Variants in CCSER1 observed in about 807,000 individuals in gnomAD.
CCSER1 encodes the protein serine-rich coiled-coil domain-containing protein 1.
Under a neutral mutation model 82.0 loss-of-function variants are expected in CCSER1, and 41 were observed. The observed-to-expected ratio is 0.50, with a 90% CI of 0.39 to 0.65. The LOEUF (loss-of-function observed/expected upper bound fraction) is 0.65, where lower values mean the gene tolerates loss of function less well. Ranked by LOEUF, CCSER1 falls within the 30% of genes least tolerant of loss-of-function variation. The probability of loss-of-function intolerance (pLI) is 0.00; values close to 1 mark genes in which losing one functional copy is unlikely to be tolerated. For missense variants in CCSER1, 1,119 were observed against 1,064.2 expected (o/e 1.05, Z -0.72); for synonymous variants, 414 against 383.9 (o/e 1.08, Z -0.92).
intron 1 of CCSER1, among the ~76,000 whole-genome samples, chr4:90,299,126 G>A (rs1732592674): frequency 6.6e-6 from 1 of 151,812 alleles, no homozygotes; most frequent in Non-Finnish European, 1.5e-5. Context: ...TAATCCAAAC[G>A]ACTCATCTGC....
chr4:91,390,166 T>G (rs76769259), intron 10 of CCSER1, among the ~76,000 whole-genome samples: 1 of 152,040 alleles, frequency 6.6e-6, no homozygotes, highest in Non-Finnish European at 1.5e-5. Flanking sequence ...GTAGGTTTTT[T>G]GTAGATTTTT....
intron 5 of CCSER1, among the ~76,000 whole-genome samples, chr4:90,621,252 G>A (rs1469464655): frequency 6.6e-6 from 1 of 152,040 alleles, no homozygotes; most frequent in Non-Finnish European, 1.5e-5. Context: ...TTTTTGCCAG[G>A]GAGGAAATGT....
chr4:90,440,796 T>C (rs1053866803), intron 4 of CCSER1, among the ~76,000 whole-genome samples: 3 of 152,194 alleles, frequency 2.0e-5, no homozygotes, highest in Non-Finnish European at 2.9e-5. Flanking sequence ...TCTGTGAATA[T>C]CTTTCTATTC....
chr4:90,659,663 C>T (rs1054385416), intron 6 of CCSER1, among the ~76,000 whole-genome samples: 2 of 152,006 alleles, frequency 1.3e-5, no homozygotes, highest in Non-Finnish European at 2.9e-5. Flanking sequence ...ATGAATATTA[C>T]CTAGATAGCC....
At chr4:90,782,701 T>TTTTTA in intron 7 of CCSER1, among the ~76,000 whole-genome samples, 1 of 149,398 alleles carries the variant, frequency 6.7e-6, no homozygotes, top group African/African-American at 2.5e-5. Flanking sequence ...TTTTTTTTTT[T>TTTTTA]GAGACAGTCT....
At chr4:91,196,447 T>C (rs1735444057) in intron 10 of CCSER1, among the ~76,000 whole-genome samples, 1 of 152,180 alleles carries the variant, frequency 6.6e-6, no homozygotes, top group South Asian at 2.1e-4. Context: ...TTTGTTTCTT[T>C]AAAAACAGCA....
chr4:91,248,657 T>G (rs1740003294), intron 10 of CCSER1, among the ~76,000 whole-genome samples: 1 of 152,134 alleles, frequency 6.6e-6, no homozygotes, highest in Non-Finnish European at 1.5e-5. Context: ...TAAGAGGACC[T>G]TAGGAGACAT....
intron 4 of CCSER1, among the ~76,000 whole-genome samples, chr4:90,439,714 A>G (rs1410504083): frequency 2.6e-5 from 4 of 152,164 alleles, no homozygotes; most frequent in Non-Finnish European, 4.4e-5. Context: ...ATCTATCCCT[A>G]AAGTCTTCAA....
intron 1 of CCSER1, among the ~76,000 whole-genome samples, chr4:90,182,396 TCA>T (rs1235342143): frequency 6.6e-6 from 1 of 152,134 alleles, no homozygotes; most frequent in Non-Finnish European, 1.5e-5. Flanking sequence ...TTATTGTTTT[TCA>T]TTGTTGTTAG....
chr4:91,208,335 A>G (rs982702438), intron 10 of CCSER1, among the ~76,000 whole-genome samples: 1 of 151,808 alleles, frequency 6.6e-6, no homozygotes, highest in Non-Finnish European at 1.5e-5. Context: ...TTCCTAGATT[A>G]TCTTCCAGGG....
chr4:90,889,112 A>C (rs1439668314), intron 8 of CCSER1, among the ~76,000 whole-genome samples: 2 of 152,210 alleles, frequency 1.3e-5, no homozygotes, highest in Non-Finnish European at 2.9e-5. Context: ...TCACTTGAGA[A>C]AAACTGTCAA....
intron 10 of CCSER1, among the ~76,000 whole-genome samples, chr4:91,481,024 C>G (rs1359195344): frequency 2.7e-5 from 4 of 150,650 alleles, no homozygotes. Flanking sequence ...CTGTTTTCCT[C>G]CCTACCATTT....
chr4:90,315,902 A>G (rs536551911), intron 3 of CCSER1, among the ~76,000 whole-genome samples: 1 of 152,338 alleles, frequency 6.6e-6, no homozygotes, highest in Non-Finnish European at 1.5e-5. Flanking sequence ...TTAGTTCTAG[A>G]TACATGTGAA....
At chr4:90,745,678 C>CTT (rs537380046) in intron 7 of CCSER1, among the ~76,000 whole-genome samples, 69 of 72,244 alleles carry the variant, frequency 9.6e-4, no homozygotes, top group South Asian at 1.9e-3. Context: ...TTTCTTTTAT[C>CTT]TTTTTTTTTT....
chr4:90,596,508 C>T (rs1172432134), intron 5 of CCSER1, among the ~76,000 whole-genome samples: 1 of 151,764 alleles, frequency 6.6e-6, no homozygotes, highest in African/African-American at 2.4e-5. Context: ...AAACACATCC[C>T]TGTCATGAGT....
At chr4:91,203,762 A>G (rs1736121859) in intron 10 of CCSER1, among the ~76,000 whole-genome samples, 1 of 151,874 alleles carries the variant, frequency 6.6e-6, no homozygotes, top group Non-Finnish European at 1.5e-5. Flanking sequence ...TTTTGAATCA[A>G]GTGGCATATT....
chr4:90,650,535 G>GAGAT (rs1553970572), intron 6 of CCSER1, among the ~76,000 whole-genome samples: 1 of 152,086 alleles, frequency 6.6e-6, no homozygotes, highest in Non-Finnish European at 1.5e-5. Flanking sequence ...AAAAGAAAGG[G>GAGAT]AGATAATCAG....
intron 8 of CCSER1, among the ~76,000 whole-genome samples, chr4:90,891,280 G>GAT (rs1275309103): frequency 6.6e-6 from 1 of 151,378 alleles, no homozygotes; most frequent in Non-Finnish European, 1.5e-5. Context: ...TATACAAAGG[G>GAT]ATATTATTAA....
intron 3 of CCSER1, among the ~76,000 whole-genome samples, chr4:90,353,468 A>G (rs1561080877): frequency 1.3e-5 from 2 of 152,198 alleles, no homozygotes; most frequent in Admixed American, 6.5e-5. Flanking sequence ...CTTTCTGCTA[A>G]GTACAGCTAT....
Sources: allele counts gnomAD v4.1 joint callset (sites outside exome capture counted in the v4.1 genomes callset), GRCh38; gene constraint gnomAD v4.1.1; transcripts MANE v1.5; gene names NCBI Gene and HGNC (gene_info 2026-07-23, HGNC 2026-07-21).